The following MYO3B variants were observed in gnomAD, a reference collection of about 807,000 sequenced individuals.
The protein encoded by MYO3B is myosin IIIB.
MYO3B carries 156 observed loss-of-function variants against 174.6 expected under a neutral mutation model. The observed-to-expected ratio is 0.89, with a 90% confidence interval of 0.78 to 1.02. MYO3B has a LOEUF of 1.02. Ranked by LOEUF, MYO3B falls within the 50% of genes least tolerant of loss-of-function variation. The pLI is 0.00. For missense variants in MYO3B, 1,632 were observed against 1,639.4 expected (o/e 1.00, Z 0.08); for synonymous variants, 563 against 569.1 (o/e 0.99, Z 0.15).
intron 32 of MYO3B, chr2:170,646,922 C>T (rs754614412): frequency 1.2e-5 from 16 of 1,358,938 alleles, no homozygotes; most frequent in East Asian, 4.6e-5. Context: ...TTCCACATTA[C>T]GGATGTAACT....
At position 170,253,895 on chromosome 2, in the gene MYO3B, C is replaced by T. The variant is rs559464122; in HGVS notation, c.749+17759C>T. On this transcript the variant is annotated intron_variant, in intron 7 of 34. Transcript: ENST00000408978. ...GAAGAGCTGTTCTGGGGACGGGGGG[C>T]GGGGGCGGGCAGTGATAAGACGGCT... 1.2e-4 allele frequency among the ~76,000 whole-genome samples: 9 copies of T among 75,810 alleles called. No homozygotes were observed. The South Asian group carries it at 1.5e-3, about 13-fold the overall frequency. The allele number at this position is 75,810 out of a possible 152,430, so 49.7% of individuals were successfully genotyped here. A position where few individuals can be genotyped will look rare whatever the true frequency, so the allele number is the denominator to read the frequency against.
chr2:170,237,019 A>G (rs1283017314), intron 7 of MYO3B, among the ~76,000 whole-genome samples: 2 of 152,188 alleles, frequency 1.3e-5, no homozygotes. Context: ...TCTGATGTTC[A>G]TCATCATAAT....
chr2:170,249,014 A>G (rs2093222698), intron 7 of MYO3B, among the ~76,000 whole-genome samples: 1 of 152,080 alleles, frequency 6.6e-6, no homozygotes, highest in Admixed American at 6.5e-5. Context: ...TTTCTCTTCC[A>G]TCTAGTTCTT....
intron 7 of MYO3B, among the ~76,000 whole-genome samples, chr2:170,249,397 A>C (rs554262986): frequency 1.3e-5 from 2 of 152,024 alleles, no homozygotes; most frequent in East Asian, 1.9e-4. Flanking sequence ...CCCAAACCTA[A>C]CTCTTTTGGC....
At chr2:170,227,546 A>G (rs746950731) in intron 6 of MYO3B, among the ~76,000 whole-genome samples, 1 of 152,146 alleles carries the variant, frequency 6.6e-6, no homozygotes, top group Non-Finnish European at 1.5e-5. Context: ...TGGCCTCTCA[A>G]AGTGCTGAGA....
chr2:170,463,489 G>T, intron 24 of MYO3B, 44 bp downstream of exon 24: 2 of 1,542,476 alleles, frequency 1.3e-6, no homozygotes, highest in South Asian at 2.3e-5. Context: ...TTCCAAAAAG[G>T]ACTGTCTAAG....
chr2:170,458,030 A>T (rs1368084978), intron 23 of MYO3B, among the ~76,000 whole-genome samples: 1 of 152,236 alleles, frequency 6.6e-6, no homozygotes, highest in Non-Finnish European at 1.5e-5. Context: ...CTGGGATTAC[A>T]GGCATGAGCT....
intron 23 of MYO3B, among the ~76,000 whole-genome samples, chr2:170,459,268 C>G (rs991444590): frequency 6.6e-6 from 1 of 152,186 alleles, no homozygotes; most frequent in Non-Finnish European, 1.5e-5. Context: ...GCGGATTGGT[C>G]CATTTTACAG....
chr2:170,312,764 A>G (rs1338424515), intron 7 of MYO3B, among the ~76,000 whole-genome samples: 1 of 152,214 alleles, frequency 6.6e-6, no homozygotes, highest in Non-Finnish European at 1.5e-5. Context: ...AGTTGAAATC[A>G]CTTCCGTTTG....
At chr2:170,302,843 A>T (rs1479040358) in intron 7 of MYO3B, among the ~76,000 whole-genome samples, 1 of 152,224 alleles carries the variant, frequency 6.6e-6, no homozygotes, top group African/African-American at 2.4e-5. Flanking sequence ...TGAGGCAAGG[A>T]TGCAGGCAGT....
chr2:170,449,957 A>G (rs752171087), intron 23 of MYO3B, among the ~76,000 whole-genome samples: 32 of 152,272 alleles, frequency 2.1e-4, no homozygotes, highest in Non-Finnish European at 3.8e-4. Context: ...TCAGAGCCCT[A>G]TATCTGATTA....
intron 7 of MYO3B, among the ~76,000 whole-genome samples, chr2:170,291,713 G>GTTTTTTTTTTTTT (rs71006079): frequency 6.7e-6 from 1 of 150,056 alleles, no homozygotes; most frequent in Non-Finnish European, 1.5e-5. Flanking sequence ...TGGATGACAG[G>GTTTTTTTTTTTTT]TTTTTTTTAT....
At chr2:170,652,717 T>C (rs2105512272) in intron 34 of MYO3B, among the ~76,000 whole-genome samples, 1 of 152,266 alleles carries the variant, frequency 6.6e-6, no homozygotes, top group African/African-American at 2.4e-5. Context: ...TTCAATCCCA[T>C]AAAGCAAGTT....
chr2:170,430,850 G>A (rs931673769), intron 22 of MYO3B, among the ~76,000 whole-genome samples: 6 of 152,194 alleles, frequency 3.9e-5, no homozygotes, highest in African/African-American at 1.4e-4. Context: ...AAAAGTTCAA[G>A]GGTGGGACAA....
At chr2:170,235,002 A>G (rs2093054937) in intron 6 of MYO3B, among the ~76,000 whole-genome samples, 1 of 152,168 alleles carries the variant, frequency 6.6e-6, no homozygotes, top group Non-Finnish European at 1.5e-5. Context: ...TGCTCACCAC[A>G]GTCAGTAGTC....
At chr2:170,447,779 T>A (rs1052535006) in intron 23 of MYO3B, among the ~76,000 whole-genome samples, 2 of 151,964 alleles carry the variant, frequency 1.3e-5, no homozygotes, top group Non-Finnish European at 2.9e-5. Flanking sequence ...TCTCCTCGAG[T>A]AGTCAAGGAT....
chr2:170,180,205 A>T (rs1261741422), intron 1 of MYO3B: 1 of 441,240 alleles, frequency 2.3e-6, no homozygotes, highest in Non-Finnish European at 4.6e-6. Flanking sequence ...TCCGTTAGGG[A>T]CTAATTCAGG....
rs554170801 is a variant in MYO3B, at chr2:170,570,366, C to T, written c.3733+26378C>T. ...CCTTTTTATTTAGCTGCTTCTTTTA[C>T]GCTAGGAAACCTTATATTATGAGAT... is the stretch of plus-strand genomic sequence containing the variant. On this transcript the variant is annotated intron_variant, in intron 32 of 34. Coordinates refer to ENST00000408978, the MANE Select transcript of MYO3B (RefSeq NM_138995.5). Among the ~76,000 whole-genome samples the T allele has an allele frequency of 3.9e-5, 6 of 152,198 alleles. No individual in the cohort carries two copies. The South Asian group carries it at 1.0e-3, about 26-fold the overall frequency.
intron 7 of MYO3B, among the ~76,000 whole-genome samples, chr2:170,264,901 G>C (rs2093371429): frequency 6.6e-6 from 1 of 152,174 alleles, no homozygotes; most frequent in South Asian, 2.1e-4. Context: ...GGTAGTGAGT[G>C]CAGCTTGTCA....
Sources: gnomAD v4.1 joint callset for allele counts (sites outside exome capture counted in the v4.1 genomes callset) on GRCh38, gnomAD v4.1.1 for gene constraint, MANE v1.5 for transcripts, NCBI Gene and HGNC (gene_info 2026-07-23, HGNC 2026-07-21) for gene names.